PPP1R12A: variants seen among roughly 807,000 people sequenced by gnomAD.
The protein encoded by PPP1R12A is protein phosphatase 1 regulatory subunit 12A.
PPP1R12A carries 19 observed loss-of-function variants against 139.6 expected under a neutral mutation model. That is an observed-to-expected ratio of 0.14 (90% CI 0.09 to 0.20). PPP1R12A has a LOEUF of 0.20. PPP1R12A is among the 10% of genes least tolerant of loss of function. The pLI is 1.00. For synonymous variants in PPP1R12A, 427 were observed against 420.6 expected (o/e 1.02, Z -0.19); for missense variants, 925 against 1,211.5 (o/e 0.76, Z 3.51).
intron 1 of PPP1R12A, among the ~76,000 whole-genome samples, chr12:79,933,779 C>G (rs1019807287): frequency 1.3e-5 from 2 of 152,228 alleles, no homozygotes; most frequent in Admixed American, 6.5e-5. Flanking sequence ...AGATCCCAAT[C>G]AGACTACTAT....
intron 11 of PPP1R12A, among the ~76,000 whole-genome samples, chr12:79,807,928 T>C (rs377584316): frequency 6.6e-6 from 1 of 151,720 alleles, no homozygotes; most frequent in Non-Finnish European, 1.5e-5. Context: ...TCCCAGCCAC[T>C]TGAGAGGCTG....
At chr12:79,811,062 G>C (rs140056421) in intron 9 of PPP1R12A, among the ~76,000 whole-genome samples, 10 of 152,164 alleles carry the variant, frequency 6.6e-5, no homozygotes, top group African/African-American at 2.2e-4. Flanking sequence ...TTCACTTCTA[G>C]AAATTCTATA....
At chr12:79,795,560 T>G in intron 18 of PPP1R12A, 78 bp downstream of exon 18, 1 of 1,378,068 alleles carries the variant, frequency 7.3e-7, no homozygotes, top group African/African-American at 1.5e-5. Context: ...ATATAAGAAA[T>G]TATTAGTATG....
In PPP1R12A at chr12:79,884,678, C is replaced by G. The variant is rs75860285; in HGVS notation, c.238-11740G>C. Among the ~76,000 whole-genome samples, 17 of 152,210 alleles carry G rather than the reference C, an allele frequency of 1.1e-4. No homozygotes were observed. In the East Asian group the frequency reaches 3.3e-3, roughly 29 times the overall value. ...CCATATAAGGAAAGAAGCAGAACGG[C>G]TCAAATACACTTTCAAAATCTTATC... On this transcript the variant is annotated intron_variant, in intron 1 of 24. Transcript: ENST00000450142.
chr12:79,788,810 A>G (rs777099284), intron 20 of PPP1R12A, 27 bp from the exon 21 acceptor site: 50 of 1,542,142 alleles, frequency 3.2e-5, no homozygotes, highest in Non-Finnish European at 4.2e-5. Context: ...TAAATAAAAA[A>G]CCTTGTTATA....
intron 1 of PPP1R12A, among the ~76,000 whole-genome samples, chr12:79,901,282 A>T (rs527653311): frequency 1.3e-5 from 2 of 152,170 alleles, no homozygotes; most frequent in Non-Finnish European, 2.9e-5. Flanking sequence ...AGACCAGGTG[A>T]TCCCTTTCAG....
chr12:79,779,583 A>G, intron 23 of PPP1R12A: 1 of 340,066 alleles, frequency 2.9e-6, no homozygotes, highest in South Asian at 2.3e-5. Context: ...TATAGACAGA[A>G]ACATTATTTT....
At chr12:79,787,828 T>C (rs1411916744) in intron 21 of PPP1R12A, 1 of 152,138 alleles carries the variant, frequency 6.6e-6, no homozygotes, top group Non-Finnish European at 1.5e-5. Flanking sequence ...TCAATCTACT[T>C]TCTTTTGTTA....
rs1194658079 is a variant in PPP1R12A at position 79,775,867 on chromosome 12, C to T, written c.*62G>A. ...ATTCTTCCCAGACTTCCAGTGACTGCCAATTATGGTCCACTGGGTTACTAA... is the reference window on the plus strand; with the variant it reads ...ATTCTTCCCAGACTTCCAGTGACTGTCAATTATGGTCCACTGGGTTACTAA... On this transcript the variant is annotated 3_prime_UTR_variant, in exon 25 of 25. Transcript: ENST00000450142. 1.7e-6 allele frequency: 2 copies of T among 1,163,144 alleles called. No homozygotes were observed. The highest frequency in any genetic ancestry group is 5.4e-5 in the East Asian group (2 of 37,242). The allele number at this position is 1,163,144 out of a possible 1,614,324, so 72.1% of individuals were successfully genotyped here.
At chr12:79,909,646 A>T (rs1886400043) in intron 1 of PPP1R12A, among the ~76,000 whole-genome samples, 1 of 151,596 alleles carries the variant, frequency 6.6e-6, no homozygotes, top group Non-Finnish European at 1.5e-5. Flanking sequence ...GAGGCAGGAG[A>T]ATCGTTGAAC....
At chr12:79,909,659 G>A (rs542238025) in intron 1 of PPP1R12A, among the ~76,000 whole-genome samples, 2 of 151,446 alleles carry the variant, frequency 1.3e-5, no homozygotes, top group South Asian at 2.1e-4. Flanking sequence ...CGTTGAACCC[G>A]GGAGGTGGAG....
At chr12:79,894,409 T>C (rs893146590) in intron 1 of PPP1R12A, among the ~76,000 whole-genome samples, 4 of 152,280 alleles carry the variant, frequency 2.6e-5, no homozygotes, top group African/African-American at 9.6e-5. Flanking sequence ...ACTAGAAATC[T>C]AAAAGCTAAG....
rs75039024 is a variant in PPP1R12A, at chr12:79,822,495, A to G, written c.793-305T>C. On this transcript the variant is annotated intron_variant, in intron 5 of 24. Coordinates refer to ENST00000450142, the MANE Select transcript of PPP1R12A (RefSeq NM_002480.3). ...TGGTTTTATGGATATTCAGAGTTGT[A>G]CAACTATCAAAATAATCAATTTCAA... Among the ~76,000 whole-genome samples the G allele has an allele frequency of 5.4e-3, 825 of 152,322 alleles. 5 individuals carry two copies. Among genetic ancestry groups the G allele is most frequent in the African/African-American group, 0.019 (784 of 41,572 alleles).
At chr12:79,904,852 G>T (rs1483040013) in intron 1 of PPP1R12A, among the ~76,000 whole-genome samples, 1 of 152,122 alleles carries the variant, frequency 6.6e-6, no homozygotes, top group African/African-American at 2.4e-5. Flanking sequence ...AAGTAAAGTG[G>T]AGACCAAGAG....
At chr12:79,844,149 A>G (rs906144807) in intron 3 of PPP1R12A, among the ~76,000 whole-genome samples, 4 of 152,174 alleles carry the variant, frequency 2.6e-5, no homozygotes, top group Admixed American at 6.5e-5. Flanking sequence ...CATCACCACA[A>G]TCAACTTTAG....
Position 79,798,563 on chromosome 12 carries a change from C to T in PPP1R12A, c.2022G>A (p.Arg674=). The change falls in exon 15 of 25, where the codon AGG becomes AGA. Residue 674 remains arginine, a synonymous_variant. Coordinates refer to ENST00000450142, the MANE Select transcript of PPP1R12A (RefSeq NM_002480.3). ...TTCTTTGGGATTCAGACTCTTCATC[C>T]CTAACAGGAGTGAGGTATGATCTAC... ...ERRRSYLTPV[R]DEESESQRKA... is the part of the protein sequence containing the mutation. The T allele has an allele frequency of 6.4e-7, 1 of 1,564,516 alleles. No individual in the cohort carries two copies. Among genetic ancestry groups the T allele is most frequent in the Non-Finnish European group, 8.7e-7 (1 of 1,151,300 alleles).
intron 1 of PPP1R12A, among the ~76,000 whole-genome samples, chr12:79,925,312 G>T (rs1046894841): frequency 2.0e-5 from 3 of 151,958 alleles, no homozygotes; most frequent in African/African-American, 7.3e-5. Context: ...TTTCCCACAT[G>T]GTTATTAATC....
At chr12:79,804,439 C>A (rs1873571603) in intron 14 of PPP1R12A, among the ~76,000 whole-genome samples, 2 of 151,780 alleles carry the variant, frequency 1.3e-5, no homozygotes, top group South Asian at 2.1e-4. Flanking sequence ...GAAACAAAAC[C>A]TAAATATAGG....
At chr12:79,909,138 C>A (rs1886354947) in intron 1 of PPP1R12A, among the ~76,000 whole-genome samples, 2 of 152,194 alleles carry the variant, frequency 1.3e-5, no homozygotes, top group Non-Finnish European at 2.9e-5. Flanking sequence ...AGGTTCAACT[C>A]CCAGCCCTGT....
Sources: gnomAD v4.1 joint callset for allele counts (sites outside exome capture counted in the v4.1 genomes callset) on GRCh38, gnomAD v4.1.1 for gene constraint, MANE v1.5 for transcripts, NCBI Gene and HGNC (gene_info 2026-07-23, HGNC 2026-07-21) for gene names.